The following SCUBE2 variants were observed in gnomAD, a reference collection of about 807,000 sequenced individuals.
SCUBE2 encodes signal peptide, CUB and EGF-like domain-containing protein 2.
In SCUBE2, 114 loss-of-function variants were observed where a neutral mutation model predicts 125.9. That is an observed-to-expected ratio of 0.91 (90% CI 0.78 to 1.06). SCUBE2 has a LOEUF of 1.06. Ranked by LOEUF, SCUBE2 falls within the 50% of genes least tolerant of loss-of-function variation. The pLI, the probability that SCUBE2 is intolerant of heterozygous loss-of-function variation, is 0.00. For synonymous variants in SCUBE2, 459 were observed against 492.9 expected (o/e 0.93, Z 0.91); for missense variants, 1,255 against 1,301.8 (o/e 0.96, Z 0.55).
chr11:9,026,067 CCTGG>C (rs1214811802), intron 20 of SCUBE2: 1 of 508,268 alleles, frequency 2.0e-6, no homozygotes, highest in Non-Finnish European at 3.5e-6. Flanking sequence ...ACCTGAAAGA[CCTGG>C]GGCTTGGCAA....
chr11:9,069,331 G>A (rs755597767), intron 5 of SCUBE2, 39 bp downstream of exon 5: 27 of 1,611,580 alleles, frequency 1.7e-5, no homozygotes, highest in East Asian at 1.3e-4. Flanking sequence ...TGTGGAATAC[G>A]ACGGTTCCCA....
intron 1 of SCUBE2, among the ~76,000 whole-genome samples, chr11:9,090,128 G>A (rs1055134364): frequency 6.6e-6 from 1 of 152,126 alleles, no homozygotes; most frequent in Non-Finnish European, 1.5e-5. Flanking sequence ...CCAAGTGCTC[G>A]CATATGTATG....
At chr11:9,084,666 C>A (rs1331865288) in intron 2 of SCUBE2, among the ~76,000 whole-genome samples, 1 of 152,216 alleles carries the variant, frequency 6.6e-6, no homozygotes, top group Non-Finnish European at 1.5e-5. Context: ...GAAAAGGATA[C>A]AACAGCACCT....
At chr11:9,051,222 CTAT>C (rs1269001392) in intron 13 of SCUBE2, among the ~76,000 whole-genome samples, 2,270 of 131,584 alleles carry the variant, frequency 0.017, 21 homozygotes, top group Middle Eastern at 0.041. Flanking sequence ...ATCTATCTAT[CTAT>C]CTACCTACCT....
chr11:9,022,139 T>C, intron 21 of SCUBE2, 184 bp from the exon 22 acceptor site: 1 of 564,072 alleles, frequency 1.8e-6, no homozygotes, highest in Non-Finnish European at 3.2e-6. Context: ...TCTCTTCACC[T>C]ACCAGCATCT....
At chr11:9,026,456 T>C (rs1290615406) in intron 20 of SCUBE2, 1 of 157,370 alleles carries the variant, frequency 6.4e-6, no homozygotes, top group Non-Finnish European at 1.4e-5. Flanking sequence ...TGTTTGTTTG[T>C]TTTTTGAGAC....
chr11:9,019,750 C>T lies in SCUBE2; in HGVS notation c.*1295G>A, dbSNP rs895903648. On this transcript the variant is annotated 3_prime_UTR_variant, in exon 23 of 23. Transcript: ENST00000649792. ...ACTTTGGTATGGAGAATTGGCTGTG[C>T]ATAGAATTGTTATTGAAATAACAAA... Among the ~76,000 whole-genome samples, 1 of 152,088 alleles carries T rather than the reference C, an allele frequency of 6.6e-6. No homozygotes were observed. The highest frequency in any genetic ancestry group is 2.4e-5 in the African/African-American group (1 of 41,396).
intron 6 of SCUBE2, among the ~76,000 whole-genome samples, chr11:9,066,257 G>A (rs993957286): frequency 2.6e-5 from 4 of 152,164 alleles, no homozygotes; most frequent in African/African-American, 7.2e-5. Flanking sequence ...CCCCTGAGTC[G>A]AGGAGAAAAA....
intron 2 of SCUBE2, among the ~76,000 whole-genome samples, chr11:9,086,212 G>A (rs77307348): frequency 0.017 from 2,541 of 152,220 alleles, 74 homozygotes; most frequent in African/African-American, 0.058. Context: ...CTAAAGCAAC[G>A]TCTGAATCAC....
chr11:9,059,514 G>T, intron 8 of SCUBE2, 89 bp from the exon 9 acceptor site: 2 of 1,439,152 alleles, frequency 1.4e-6, no homozygotes, highest in Non-Finnish European at 1.9e-6. Context: ...GTGTTCATTA[G>T]TCTCTGAAAT....
chr11:9,068,416 G>A (rs888997001), intron 5 of SCUBE2, among the ~76,000 whole-genome samples: 1 of 152,164 alleles, frequency 6.6e-6, no homozygotes, highest in Non-Finnish European at 1.5e-5. Context: ...CAAGTGTACT[G>A]AGCATATCCC....
rs757023530 is a variant in SCUBE2 at position 9,030,879 on chromosome 11, G to A, written c.2220C>T (p.Cys740=). The change falls in exon 18 of 23, where the codon TGC becomes TGT. Residue 740 remains cysteine (C), a synonymous_variant. Transcript: ENST00000649792. The part of the protein sequence containing the change: ...GEYSADGFAP[C]QLCALGTFQP... ...GGAACGTGCCCAGGGCACAGAGCTG[G>A]CAAGGTGCAAAGCCATCTGCAGAAT... 1.2e-6 allele frequency: 2 copies of A among 1,614,152 alleles called. No individual in the cohort carries two copies. The highest frequency in any genetic ancestry group is 1.7e-6 in the Non-Finnish European group (2 of 1,180,006).
chr11:9,044,562 C>A (rs564837776), intron 16 of SCUBE2, among the ~76,000 whole-genome samples: 1 of 152,166 alleles, frequency 6.6e-6, no homozygotes, highest in Non-Finnish European at 1.5e-5. Flanking sequence ...TCTATTCATA[C>A]GTAAACCTAC....
Position 9,060,542 on chromosome 11 carries a change from A to C in SCUBE2, c.851-18T>G. The C allele has an allele frequency of 6.2e-7, 1 of 1,600,980 alleles. No homozygotes were observed. Among genetic ancestry groups the C allele is most frequent in the African/African-American group, 1.3e-5 (1 of 74,834 alleles). ...ACACGTTTCTGGCAAGGAGGTAAGA[A>C]AAGACAATTAGCTTCCCAAAGAAGT... is the stretch of plus-strand genomic sequence containing the variant. On this transcript the variant is annotated intron_variant, in intron 7 of 22. Coordinates refer to ENST00000649792, the MANE Select transcript of SCUBE2 (RefSeq NM_001367977.2).
At chr11:9,037,708 C>A in intron 16 of SCUBE2, among the ~76,000 whole-genome samples, 1 of 152,214 alleles carries the variant, frequency 6.6e-6, no homozygotes, top group Non-Finnish European at 1.5e-5. Flanking sequence ...AATGACTGCC[C>A]CCATGATAAC....
At chr11:9,052,996 C>A in intron 12 of SCUBE2, 103 bp downstream of exon 12, 1 of 1,126,468 alleles carries the variant, frequency 8.9e-7, no homozygotes, top group Non-Finnish European at 1.3e-6. Flanking sequence ...GTCGGGGCAT[C>A]TGGCGGAGGA....
chr11:9,063,569 A>G (rs1328512457), intron 7 of SCUBE2, among the ~76,000 whole-genome samples: 2 of 152,274 alleles, frequency 1.3e-5, no homozygotes, highest in Non-Finnish European at 2.9e-5. Context: ...TCTGAATTCT[A>G]CACTGAGCCA....
intron 6 of SCUBE2, among the ~76,000 whole-genome samples, 164 bp from the exon 7 acceptor site, chr11:9,066,144 G>GC (rs1174854375): frequency 6.6e-6 from 1 of 152,230 alleles, no homozygotes; most frequent in Non-Finnish European, 1.5e-5. Context: ...GGGAGACACA[G>GC]CCCGTTAAAG....
intron 16 of SCUBE2, among the ~76,000 whole-genome samples, chr11:9,034,434 G>T (rs1267549872): frequency 5.3e-5 from 8 of 152,194 alleles, no homozygotes; most frequent in African/African-American, 1.9e-4. Context: ...TGAAAGGACA[G>T]GAGTCAGGCA....
Sources: allele counts gnomAD v4.1 joint callset (sites outside exome capture counted in the v4.1 genomes callset), GRCh38; gene constraint gnomAD v4.1.1; transcripts MANE v1.5; gene names NCBI Gene and HGNC (gene_info 2026-07-23, HGNC 2026-07-21).